The following TSC1 variants were observed in gnomAD, a reference collection of about 807,000 sequenced individuals.
TSC1 encodes the protein hamartin.
In TSC1, 20 loss-of-function variants were observed where a neutral mutation model predicts 124.3. That is an observed-to-expected ratio of 0.16 (90% CI 0.11 to 0.23). The LOEUF (loss-of-function observed/expected upper bound fraction) is 0.23. TSC1 is among the 10% of genes least tolerant of loss of function. The pLI is 1.00. For missense variants in TSC1, 1,124 were observed against 1,448.5 expected, an observed-to-expected ratio of 0.78 and a Z score of 3.64; for synonymous variants, 493 against 539.1, an observed-to-expected ratio of 0.91 and a Z score of 1.19.
chr9:132,892,462 A>T lies in TSC1; in HGVS notation c.*3773T>A, dbSNP rs1347932547. On this transcript the variant is annotated 3_prime_UTR_variant, in exon 23 of 23. Coordinates refer to ENST00000298552, the MANE Select transcript of TSC1 (RefSeq NM_000368.5). Reference sequence around the variant, plus strand: ...TGCAGCAGATAGGTATACTGATTTGAGTCACTCCACACCAGGCAGCTTCCT... The same window carrying T: ...TGCAGCAGATAGGTATACTGATTTGTGTCACTCCACACCAGGCAGCTTCCT... 4.3e-6 allele frequency: 1 copy of T among 233,214 alleles called. No homozygotes were observed. Among genetic ancestry groups the T allele is most frequent in the Non-Finnish European group, 8.5e-6 (1 of 118,100 alleles). The allele number at this position is 233,214 out of a possible 1,614,324, so 14.4% of individuals were successfully genotyped here.
At position 132,938,329 on chromosome 9, in the gene TSC1, C is replaced by A. The variant is rs1352419347; in HGVS notation, c.-143-3234G>T. Among the ~76,000 whole-genome samples the A allele has an allele frequency of 3.3e-5, 5 of 152,322 alleles. 1 individual carries two copies. The highest frequency in any genetic ancestry group is 1.9e-4 in the East Asian group (1 of 5,188). On this transcript the variant is annotated intron_variant, in intron 1 of 22. Coordinates refer to ENST00000298552, the MANE Select transcript of TSC1 (RefSeq NM_000368.5). ...AGAGCAGAACACCAGTGTCAATCCACGTCCTTATCTTCGAAAGCCAAATTT... is the reference window on the plus strand; with the variant it reads ...AGAGCAGAACACCAGTGTCAATCCAAGTCCTTATCTTCGAAAGCCAAATTT...
At chr9:132,917,329 T>C (rs1197871769) in intron 8 of TSC1, among the ~76,000 whole-genome samples, 1 of 152,130 alleles carries the variant, frequency 6.6e-6, no homozygotes, top group African/African-American at 2.4e-5. Flanking sequence ...CCACCAAAGT[T>C]TTCTTCTCTC....
Position 132,921,923 on chromosome 9 carries a change from G to A in TSC1, c.559C>T (p.Leu187Phe), listed in dbSNP as rs2132158182. 1.2e-6 allele frequency: 2 copies of A among 1,614,208 alleles called. No homozygotes were observed. The highest frequency in any genetic ancestry group is 8.5e-7 in the Non-Finnish European group (1 of 1,180,026). ...TACATTCCATAAAGGCGATGAAAGA[G>A]TGCGTACACACTGGCATGGAGATGG... ...LVHLHASVYA[L>F]FHRLYGMYPC... The change falls in exon 7 of 23, where the codon CTC (leucine) becomes TTC (phenylalanine). Residue 187 changes from leucine (L) to phenylalanine (F), a missense_variant. Physicochemically the swap from Leu to Phe is conservative, Grantham distance 22. Around this residue, in one of 5 missense-constraint regions of TSC1, gnomAD observed 463 missense variants for 606.8 expected, o/e 0.76. Transcript: ENST00000298552. This position sits in a 1 kb window ranked among gnomAD's most constrained non-coding sequence, Gnocchi z 4.3.
At chr9:132,927,325 T>C in intron 3 of TSC1, 21 bp from the exon 4 acceptor site, 1 of 1,606,408 alleles carries the variant, frequency 6.2e-7, no homozygotes. Flanking sequence ...AAAAGGGCAA[T>C]GGATGATACT....
rs774835995 is a variant in TSC1 at position 132,904,434 on chromosome 9, G to C, written c.2018C>G (p.Ser673Cys). 6.2e-7 allele frequency: 1 copy of C among 1,614,074 alleles called. No individual in the cohort carries two copies. Among genetic ancestry groups the C allele is most frequent in the Non-Finnish European group, 8.5e-7 (1 of 1,180,012 alleles). Reference sequence around the variant, plus strand: ...ACCTCCAAAGTGGGTCCAGTCGACAGACTTGCTGGGTAAAGGCAACCTAGG... The same window carrying C: ...ACCTCCAAAGTGGGTCCAGTCGACACACTTGCTGGGTAAAGGCAACCTAGG... The part of the protein sequence containing the change: ...ELNKLPLPSK[S>C]VDWTHFGGSP... The change falls in exon 16 of 23, where the codon TCT (serine) becomes TGT (cysteine). Residue 673 changes from serine (S) to cysteine (C), a missense_variant. Coordinates refer to ENST00000298552, the MANE Select transcript of TSC1 (RefSeq NM_000368.5).
Position 132,900,890 on chromosome 9 carries a change from A to G in TSC1, c.2503-53T>C, listed in dbSNP as rs569033275. ...AAATCCGACGACATAAAACTAGCAC[A>G]TAGACGTCATTAAACAGGGAATCAG... On this transcript the variant is annotated intron_variant, in intron 19 of 22. Coordinates refer to ENST00000298552, the MANE Select transcript of TSC1 (RefSeq NM_000368.5). 3.7e-5 allele frequency: 60 copies of G among 1,612,386 alleles called. No homozygotes were observed. In the Admixed American group the frequency reaches 7.2e-4, roughly 19 times the overall value.
At chr9:132,922,902 G>A (rs1846645185) in intron 6 of TSC1, among the ~76,000 whole-genome samples, 2 of 152,130 alleles carry the variant, frequency 1.3e-5, no homozygotes, top group Non-Finnish European at 2.9e-5. Context: ...TTTGAAGCTG[G>A]AGTGCTAATC....
intron 2 of TSC1, among the ~76,000 whole-genome samples, chr9:132,929,435 T>A (rs1418921236): frequency 1.3e-5 from 2 of 152,154 alleles, no homozygotes; most frequent in African/African-American, 4.8e-5. Flanking sequence ...ACATCTAGCA[T>A]AAACTGGGGA....
chr9:132,906,037 C>T lies in TSC1; in HGVS notation c.1541G>A (p.Gly514Asp), dbSNP rs1564482313. The T allele has an allele frequency of 6.2e-7, 1 of 1,614,100 alleles. No homozygotes were observed. The highest frequency in any genetic ancestry group is 8.5e-7 in the Non-Finnish European group (1 of 1,180,008). ...TGCCGAGTGGGTCTTCCGCTGAGAA[C>T]CTGGGAGACTGTCTCGGTAAAAGGG... is the stretch of plus-strand genomic sequence containing the variant. Reference protein sequence around the residue: ...DSPFYRDSLPGSQRKTHSAAS... With the variant: ...DSPFYRDSLPDSQRKTHSAAS... The change falls in exon 15 of 23, where the codon GGT becomes GAT. Residue 514 changes from glycine to aspartate, a missense_variant. This residue lies in a region of TSC1 where 321 missense variants were observed against 397.4 expected (regional missense o/e 0.81). Coordinates refer to ENST00000298552, the MANE Select transcript of TSC1 (RefSeq NM_000368.5). The surrounding 1 kb of genome is among the most constrained non-coding windows in gnomAD (Gnocchi z 4.1).
rs2132196419 is a variant in TSC1, at chr9:132,923,553, G to A, written c.364-61C>T. ...AGGCACTGGCACCAGGATCGGCATTGTACAGTACATGAAGAGGCTCTAAAC... is the reference window on the plus strand; with the variant it reads ...AGGCACTGGCACCAGGATCGGCATTATACAGTACATGAAGAGGCTCTAAAC... On this transcript the variant is annotated intron_variant, in intron 5 of 22. Coordinates refer to ENST00000298552, the MANE Select transcript of TSC1 (RefSeq NM_000368.5). The surrounding 1 kb of genome is among the most constrained non-coding windows in gnomAD (Gnocchi z 4.2). 6.2e-7 allele frequency: 1 copy of A among 1,610,686 alleles called. No homozygotes were observed. The highest frequency in any genetic ancestry group is 8.5e-7 in the Non-Finnish European group (1 of 1,177,568).
rs1845476005 is a variant in TSC1, at chr9:132,903,253, T to C, written c.2208+398A>G. 6.6e-6 allele frequency among the ~76,000 whole-genome samples: 1 copy of C among 152,248 alleles called. No homozygotes were observed. The highest frequency in any genetic ancestry group is 2.4e-5 in the African/African-American group (1 of 41,470). On this transcript the variant is annotated intron_variant, in intron 17 of 22. Coordinates refer to ENST00000298552, the MANE Select transcript of TSC1 (RefSeq NM_000368.5). The surrounding 1 kb of genome is among the most constrained non-coding windows in gnomAD (Gnocchi z 5.9). The stretch of plus-strand genomic sequence containing the variant: ...TAACAGAGGCTTCAAGAGGCCACGT[T>C]ACTTTTCTAAGGTAACACTGGTAGA...
rs1001844958 is a variant in TSC1, at chr9:132,928,909, T to G, written c.-37A>C. ...AAGGCGCTGTGCTGGCTCCAGGACG[T>G]GTGCTACAGGTTCTGAAGGTTCTTC... On this transcript the variant is annotated 5_prime_UTR_variant, in exon 3 of 23. Transcript: ENST00000298552. 3 of 1,612,858 alleles carry G rather than the reference T, an allele frequency of 1.9e-6. No individual in the cohort carries two copies. In the African/African-American group the frequency reaches 4.0e-5, roughly 22 times the overall value.
chr9:132,944,529 A>AC lies in TSC1; in HGVS notation c.-144+13dup, dbSNP rs896447282. 58 of 397,558 alleles carry AC rather than the reference A, an allele frequency of 1.5e-4. No homozygotes were observed. The highest frequency in any genetic ancestry group is 1.0e-3 in the African/African-American group (50 of 48,392). 24.6% of individuals were successfully genotyped at this position (397,558 alleles called of 1,614,324 possible). On this transcript the variant is annotated intron_variant, in intron 1 of 22. Coordinates refer to ENST00000298552, the MANE Select transcript of TSC1 (RefSeq NM_000368.5). ...GCCCCCATAAAAAGGAGGGGGAGAC[A>AC]CCCCCATACTCACCCACCGTCTCCT... is the stretch of plus-strand genomic sequence containing the variant.
Position 132,902,041 on chromosome 9 carries a change from C to T in TSC1, c.2392-342G>A, listed in dbSNP as rs1845407152. On this transcript the variant is annotated intron_variant, in intron 18 of 22. Coordinates refer to ENST00000298552, the MANE Select transcript of TSC1 (RefSeq NM_000368.5). This position sits in a 1 kb window ranked among gnomAD's most constrained non-coding sequence, Gnocchi z 5.2. Reference sequence around the variant, plus strand: ...CATCTGTTGGACACTCTGTGAATTACTAACTGGCTGGAAATGATGCTGTGT... The same window carrying T: ...CATCTGTTGGACACTCTGTGAATTATTAACTGGCTGGAAATGATGCTGTGT... 1 of 271,882 alleles carries T rather than the reference C, an allele frequency of 3.7e-6. No individual in the cohort carries two copies. Among genetic ancestry groups the T allele is most frequent in the Non-Finnish European group, 7.0e-6 (1 of 141,858 alleles). The allele number at this position is 271,882 out of a possible 1,614,324, so 16.8% of individuals were successfully genotyped here. A position where few individuals can be genotyped will look rare whatever the true frequency, so the allele number is the denominator to read the frequency against.
Position 132,907,382 on chromosome 9 carries a change from A to G in TSC1, c.1264-12T>C, listed in dbSNP as rs118203508. 155 of 1,607,868 alleles carry G rather than the reference A, an allele frequency of 9.6e-5. 1 individual carries two copies. In the East Asian group the frequency reaches 3.3e-3, roughly 35 times the overall value. The stretch of plus-strand genomic sequence containing the variant: ...TCCATTCTCTCTTCCTGAAAAGATA[A>G]GTATCATTTATATCACAAGACGAAA... On this transcript the variant is annotated splice_polypyrimidine_tract_variant and intron_variant, in intron 12 of 22. Transcript: ENST00000298552.
intron 16 of TSC1, 138 bp downstream of exon 16, chr9:132,904,273 A>G (rs1026183709): frequency 1.3e-5 from 12 of 938,514 alleles, no homozygotes; most frequent in Non-Finnish European, 1.8e-5. Flanking sequence ...GAGATCCTTT[A>G]GCCAAGCAGA....
rs372359511 is a variant in TSC1, at chr9:132,911,426, G to C, written c.1029+27C>G. ...CAGCTTCACCAGAAAGCAGAGGAGA[G>C]AGCAGGCACACTAGTTGACACCATA... On this transcript the variant is annotated intron_variant, in intron 10 of 22. Coordinates refer to ENST00000298552, the MANE Select transcript of TSC1 (RefSeq NM_000368.5). The C allele has an allele frequency of 8.5e-6, 13 of 1,535,588 alleles. No homozygotes were observed. In the African/African-American group the frequency reaches 9.6e-5, roughly 11 times the overall value.
chr9:132,928,294 A>G (rs1564504427), intron 3 of TSC1, among the ~76,000 whole-genome samples: 1 of 152,198 alleles, frequency 6.6e-6, no homozygotes, highest in East Asian at 1.9e-4. Flanking sequence ...TTTAAAATTG[A>G]TGACTGATGC....
At chr9:132,940,728 ACAT>A (rs1418573781) in intron 1 of TSC1, 12 of 152,246 alleles carry the variant, frequency 7.9e-5, no homozygotes, top group African/African-American at 2.9e-4. Flanking sequence ...AGTGTTTGGC[ACAT>A]GAGTACTCAA....
Sources: allele counts gnomAD v4.1 joint callset (sites outside exome capture counted in the v4.1 genomes callset), GRCh38; gene constraint gnomAD v4.1.1; regional missense constraint gnomAD v4.1.1; non-coding constraint Gnocchi (gnomAD v3.1); transcripts MANE v1.5; gene names NCBI Gene and HGNC (gene_info 2026-07-23, HGNC 2026-07-21).